The following SHANK2 variants were observed in gnomAD, a reference collection of about 807,000 sequenced individuals.
The protein encoded by SHANK2 is SH3 and multiple ankyrin repeat domains protein 2.
Under a neutral mutation model 133.7 loss-of-function variants are expected in SHANK2, and 43 were observed. That is an observed-to-expected ratio of 0.32 (90% CI 0.25 to 0.41). The LOEUF (loss-of-function observed/expected upper bound fraction) is 0.41. Among genes scored for constraint, SHANK2 ranks in the 10% least tolerant of loss-of-function variants. The pLI, the probability that SHANK2 is intolerant of heterozygous loss-of-function variation, is 1.00. For synonymous variants in SHANK2, 1,017 were observed against 952.8 expected (o/e 1.07, Z -1.24); for missense variants, 1,994 against 2,235.8 (o/e 0.89, Z 2.18).
intron 2 of SHANK2, among the ~76,000 whole-genome samples, chr11:71,202,076 C>T (rs1306100441): frequency 2.0e-5 from 3 of 152,238 alleles, no homozygotes; most frequent in Non-Finnish European, 2.9e-5. Flanking sequence ...CTCACGGGTA[C>T]ACAGTAGGTG....
intron 2 of SHANK2, among the ~76,000 whole-genome samples, chr11:71,174,281 T>G (rs1046888311): frequency 3.3e-5 from 5 of 152,202 alleles, no homozygotes; most frequent in Non-Finnish European, 5.9e-5. Flanking sequence ...GGTTCACACC[T>G]GTAATCCCAG....
chr11:70,776,739 T>C (rs1417395151), intron 14 of SHANK2, among the ~76,000 whole-genome samples: 1 of 151,002 alleles, frequency 6.6e-6, no homozygotes, highest in African/African-American at 2.4e-5. Flanking sequence ...GATTCCCACC[T>C]ACTCACCTAT....
intron 15 of SHANK2, among the ~76,000 whole-genome samples, chr11:70,689,899 G>T (rs540798058): frequency 6.6e-6 from 1 of 152,332 alleles, no homozygotes; most frequent in African/African-American, 2.4e-5. Context: ...AAGGCTCTAA[G>T]CCATGAGTAG....
In SHANK2 at chr11:71,147,132, G is replaced by A; in HGVS notation, c.195C>T (p.Asp65=). The change falls in exon 3 of 26, where the codon GAC becomes GAT. Residue 65 remains aspartate (D), a synonymous_variant. Transcript: ENST00000601538. ...CCACGGGGCTCACCGTCTGCTGCAG[G>A]TCATGGATGACCACGCGGATCACCA... ...NTLVIRVVIH[D]LQQTKCIRFN... The A allele has an allele frequency of 1.3e-6, 2 of 1,548,660 alleles. No individual in the cohort carries two copies. Among genetic ancestry groups the A allele is most frequent in the Non-Finnish European group, 1.7e-6 (2 of 1,146,704 alleles).
chr11:70,872,966 C>T (rs1555070471), intron 11 of SHANK2: 1 of 470,352 alleles, frequency 2.1e-6, no homozygotes, highest in East Asian at 7.0e-5. Context: ...CTCCACCTCC[C>T]CCAGCCCCAA....
At chr11:71,167,417 A>G (rs1357622847) in intron 2 of SHANK2, among the ~76,000 whole-genome samples, 10 of 119,550 alleles carry the variant, frequency 8.4e-5, no homozygotes, top group African/African-American at 3.3e-4. Flanking sequence ...CGGGGGGCTG[A>G]CCCCCCCCAC....
At chr11:70,550,662 C>T (rs568707243) in intron 17 of SHANK2, among the ~76,000 whole-genome samples, 106 of 152,256 alleles carry the variant, frequency 7.0e-4, no homozygotes, top group African/African-American at 2.4e-3. Context: ...ATGTTGTTAG[C>T]GAAGGTCCCA....
intron 2 of SHANK2, among the ~76,000 whole-genome samples, chr11:71,208,877 G>C (rs2135674821): frequency 6.6e-6 from 1 of 152,244 alleles, no homozygotes; most frequent in East Asian, 1.9e-4. Context: ...GCTAAACTCT[G>C]GGAGATCACA....
intron 11 of SHANK2, among the ~76,000 whole-genome samples, chr11:70,859,435 C>T (rs908090713): frequency 6.6e-5 from 10 of 151,106 alleles, no homozygotes; most frequent in Non-Finnish European, 1.2e-4. Context: ...GATGGATAAG[C>T]GTGTGGGTGG....
rs371703942 is a variant in SHANK2, at chr11:70,486,470, G to T, written c.3823C>A (p.Arg1275=). The change falls in exon 25 of 26, where the codon CGG becomes AGG. Residue 1275 remains arginine (R), a synonymous_variant. Coordinates refer to ENST00000601538, the MANE Select transcript of SHANK2 (RefSeq NM_012309.5). This position sits in a 1 kb window ranked among gnomAD's most constrained non-coding sequence, Gnocchi z 8.0. ...TCGTACTTGTTCTCCGTCTCCTGCC[G>T]CCTCAGGGGTCCCCGGGTGTTCTGC... is the stretch of plus-strand genomic sequence containing the variant. ...TRQNTRGPLR[R]QETENKYETD... The T allele has an allele frequency of 1.2e-6, 2 of 1,613,916 alleles. No individual in the cohort carries two copies. Among genetic ancestry groups the T allele is most frequent in the Non-Finnish European group, 1.7e-6 (2 of 1,180,026 alleles).
rs115106612 is a variant in SHANK2, at chr11:71,169,378, G to A, written c.-12-22040C>T. Reference sequence around the variant, plus strand: ...GCTTTGCTTAGGATTCTTTAGGCCTGTTTTCCTTTTTAATTTAACAATATA... The same window carrying A: ...GCTTTGCTTAGGATTCTTTAGGCCTATTTTCCTTTTTAATTTAACAATATA... On this transcript the variant is annotated intron_variant, in intron 2 of 25. Coordinates refer to ENST00000601538, the MANE Select transcript of SHANK2 (RefSeq NM_012309.5). Among the ~76,000 whole-genome samples, 351 of 152,294 alleles carry A rather than the reference G, an allele frequency of 2.3e-3. 3 individuals carry two copies. Among genetic ancestry groups the A allele is most frequent in the African/African-American group, 8.0e-3 (333 of 41,550 alleles).
At chr11:70,636,038 C>T (rs1180669671) in intron 17 of SHANK2, among the ~76,000 whole-genome samples, 3 of 152,256 alleles carry the variant, frequency 2.0e-5, no homozygotes, top group African/African-American at 7.2e-5. Context: ...CCCCGGTGCC[C>T]GGCCCACCCT....
chr11:71,166,092 G>A (rs930996021), intron 2 of SHANK2, among the ~76,000 whole-genome samples: 1 of 152,200 alleles, frequency 6.6e-6, no homozygotes, highest in South Asian at 2.1e-4. Flanking sequence ...CCTTGAAGGA[G>A]GCTCCTGGCA....
chr11:71,108,229 C>T (rs1291902345), intron 6 of SHANK2, among the ~76,000 whole-genome samples: 1 of 152,228 alleles, frequency 6.6e-6, no homozygotes, highest in Non-Finnish European at 1.5e-5. Context: ...GGGGCCATCA[C>T]TGAAGAGAAG....
At chr11:70,530,765 C>T (rs184996022) in intron 17 of SHANK2, among the ~76,000 whole-genome samples, 7 of 151,942 alleles carry the variant, frequency 4.6e-5, no homozygotes, top group East Asian at 1.9e-4. Flanking sequence ...TTACTGGGGA[C>T]GGAGTTTACT....
chr11:71,126,725 CT>C (rs200961805), intron 3 of SHANK2, among the ~76,000 whole-genome samples: 16,275 of 130,150 alleles, frequency 0.13, 713 homozygotes, highest in Non-Finnish European at 0.16. Context: ...TCATAAACGA[CT>C]TTTTTTTTTT....
chr11:70,936,519 TAAAA>T (rs1565415904), intron 10 of SHANK2, among the ~76,000 whole-genome samples: 1 of 151,840 alleles, frequency 6.6e-6, no homozygotes, highest in African/African-American at 2.4e-5. Context: ...CTTAAAAAAA[TAAAA>T]AAGAGAGAAT....
intron 2 of SHANK2, among the ~76,000 whole-genome samples, chr11:71,187,035 G>A (rs1337377442): frequency 6.6e-6 from 1 of 152,260 alleles, no homozygotes; most frequent in African/African-American, 2.4e-5. Context: ...AGAGAAACTA[G>A]CTTGGTTTCT....
chr11:70,514,181 CTT>C (rs1328104124), intron 17 of SHANK2, among the ~76,000 whole-genome samples: 1 of 152,176 alleles, frequency 6.6e-6, no homozygotes, highest in Non-Finnish European at 1.5e-5. Context: ...TGATTGCAGA[CTT>C]TGCATCAGAA....
Sources: allele counts gnomAD v4.1 joint callset (sites outside exome capture counted in the v4.1 genomes callset), GRCh38; gene constraint gnomAD v4.1.1; non-coding constraint Gnocchi (gnomAD v3.1); transcripts MANE v1.5; gene names NCBI Gene and HGNC (gene_info 2026-07-23, HGNC 2026-07-21).